Variants in ASB5 observed in about 807,000 individuals in gnomAD.
The protein encoded by ASB5 is ankyrin repeat and SOCS box containing 5, also known as ankyrin repeat and SOCS box protein 5.
Under a neutral mutation model 42.1 loss-of-function variants are expected in ASB5, and 45 were observed. The ratio of observed to expected loss-of-function variants is 1.07; its 90% CI spans 0.84 to 1.37. ASB5 has a LOEUF of 1.37. Among genes scored for constraint, ASB5 ranks in the 40% most tolerant of loss-of-function variants. The probability of loss-of-function intolerance (pLI) is 0.00; values close to 1 mark genes in which losing one functional copy is unlikely to be tolerated. For synonymous variants in ASB5, 147 were observed against 150.6 expected (o/e 0.98, Z 0.18); for missense variants, 402 against 399.8 (o/e 1.01, Z -0.05).
At chr4:176,270,457 A>T (rs532507797), upstream of ASB5, among the ~76,000 whole-genome samples, 24 of 152,244 alleles carry the variant, frequency 1.6e-4, no homozygotes, top group South Asian at 4.6e-3. Context: ...ACACAGGAGA[A>T]ATGGCTGTAA....
rs1232684763 is a variant in ASB5, at chr4:176,226,694, T to TC, written c.197-1354dup. Among the ~76,000 whole-genome samples the TC allele has an allele frequency of 1.1e-4, 17 of 152,314 alleles. No homozygotes were observed. In the Middle Eastern group the frequency reaches 0.01, roughly 91 times the overall value. On this transcript the variant is annotated intron_variant, in intron 1 of 6. Coordinates refer to ENST00000296525, the MANE Select transcript of ASB5 (RefSeq NM_080874.4). ...CAAAAAAGTTCTGTTTCATGTTTTTTCACATTGAACCCCTCCTCTCAATTT... is the reference window on the plus strand; with the variant it reads ...CAAAAAAGTTCTGTTTCATGTTTTTTCCACATTGAACCCCTCCTCTCAATTT...
chr4:176,238,259 G>A (rs1323093970), intron 1 of ASB5, among the ~76,000 whole-genome samples: 1 of 149,698 alleles, frequency 6.7e-6, no homozygotes, highest in Non-Finnish European at 1.5e-5. Context: ...GCCAGCTCAT[G>A]TTTTCATTTT....
At position 176,237,209 on chromosome 4, in the gene ASB5, G is replaced by T. The variant is rs150049139; in HGVS notation, c.197-11868C>A. Reference sequence around the variant, plus strand: ...TCAATCCGCATTCTGGAAAGCACCCGCAGTTTAAAGTTAGTATTTGCAAAA... The same window carrying T: ...TCAATCCGCATTCTGGAAAGCACCCTCAGTTTAAAGTTAGTATTTGCAAAA... On this transcript the variant is annotated intron_variant, in intron 1 of 6. Transcript: ENST00000296525. 1.8e-3 allele frequency: 1,597 copies of T among 884,314 alleles called. 15 individuals carry two copies. In the African/African-American group the frequency reaches 0.026, roughly 15 times the overall value. 54.8% of individuals were successfully genotyped at this position (884,314 alleles called of 1,614,324 possible). A position where few individuals can be genotyped will look rare whatever the true frequency, so the allele number is the denominator to read the frequency against.
rs1753715313 is a variant in ASB5 at position 176,237,489 on chromosome 4, C to A, written c.197-12148G>T. On this transcript the variant is annotated intron_variant, in intron 1 of 6. Transcript: ENST00000296525. ...CAAATGCTCTAGCAAGAAGAAATAT[C>A]AGCGTCTGGATTTCTAACTATTTTT... is the stretch of plus-strand genomic sequence containing the variant. 4 of 985,570 alleles carry A rather than the reference C, an allele frequency of 4.1e-6. No homozygotes were observed. In the South Asian group the frequency reaches 1.4e-4, roughly 35 times the overall value. The allele number at this position is 985,570 out of a possible 1,614,324, so 61.1% of individuals were successfully genotyped here.
chr4:176,232,333 A>C (rs2126956056), intron 1 of ASB5, among the ~76,000 whole-genome samples: 1 of 152,138 alleles, frequency 6.6e-6, no homozygotes, highest in East Asian at 1.9e-4. Flanking sequence ...CATGTTAGTC[A>C]GGCTGGTCTC....
intron 2 of ASB5, 63 bp from the exon 3 acceptor site, chr4:176,222,483 G>GGGCCGGGCGC: frequency 7.4e-7 from 1 of 1,342,570 alleles, no homozygotes; most frequent in African/African-American, 1.5e-5. Context: ...TCATCTATAT[G>GGGCCGGGCGC]GATGTCACTA....
rs755133139 is a variant in ASB5 at position 176,216,877 on chromosome 4, C to T, written c.803G>A (p.Arg268Gln). The T allele has an allele frequency of 3.7e-6, 6 of 1,613,654 alleles. No individual in the cohort carries two copies. The highest frequency in any genetic ancestry group is 1.7e-5 in the Admixed American group (1 of 59,918). ...DINAKNTELL[R>Q]PIDVATSSSM... ...GCTAGACGTAGCTACATCTATAGGT[C>T]GCAGAAGCTCTGTATTTTTGGCATT... is the stretch of plus-strand genomic sequence containing the variant. The change falls in exon 6 of 7, where the codon CGA becomes CAA. Residue 268 changes from arginine to glutamine, a missense_variant. Transcript: ENST00000296525.
chr4:176,242,544 T>C (rs867468864), intron 1 of ASB5, among the ~76,000 whole-genome samples: 1 of 152,230 alleles, frequency 6.6e-6, no homozygotes, highest in South Asian at 2.1e-4. Context: ...ATTATGTTGT[T>C]ATATAATAAC....
At chr4:176,266,974 A>G (rs1317338848) in intron 1 of ASB5, among the ~76,000 whole-genome samples, 1 of 152,152 alleles carries the variant, frequency 6.6e-6, no homozygotes, top group African/African-American at 2.4e-5. Flanking sequence ...TAATGAGGGG[A>G]TGAGTGTTTC....
intron 1 of ASB5, among the ~76,000 whole-genome samples, chr4:176,238,096 G>T (rs576585943): frequency 1.3e-5 from 2 of 151,328 alleles, no homozygotes; most frequent in South Asian, 4.2e-4. Flanking sequence ...GGGACGGGGC[G>T]CCTGTAGTCC....
At chr4:176,273,578 T>C (rs1296286134), upstream of ASB5, among the ~76,000 whole-genome samples, 1 of 152,184 alleles carries the variant, frequency 6.6e-6, no homozygotes, top group East Asian at 1.9e-4. Flanking sequence ...ATCAAAAAGA[T>C]ATTTAGCCAC....
chr4:176,221,653 A>G lies in ASB5; in HGVS notation c.385-53T>C, dbSNP rs1753214580. The G allele has an allele frequency of 4.1e-6, 6 of 1,472,820 alleles. No homozygotes were observed. In the Admixed American group the frequency reaches 1.2e-4, roughly 28 times the overall value. The allele number at this position is 1,472,820 out of a possible 1,614,324, so 91.2% of individuals were successfully genotyped here. A position where few individuals can be genotyped will look rare whatever the true frequency, so the allele number is the denominator to read the frequency against. ...AAGATTCATAAGTCATACATGAGTA[A>G]CCGACTTAGGCATTGTCAAAAGGTA... On this transcript the variant is annotated intron_variant, in intron 3 of 6. Coordinates refer to ENST00000296525, the MANE Select transcript of ASB5 (RefSeq NM_080874.4).
chr4:176,253,996 A>G (rs554486645), intron 1 of ASB5, among the ~76,000 whole-genome samples: 1 of 152,240 alleles, frequency 6.6e-6, no homozygotes. Context: ...AGAAGTTTAC[A>G]GATTCAGTGT....
Position 176,216,849 on chromosome 4 carries a change from A to G in ASB5, c.831T>C (p.Ser277=). The G allele has an allele frequency of 1.9e-6, 3 of 1,604,886 alleles. No individual in the cohort carries two copies. The highest frequency in any genetic ancestry group is 2.5e-6 in the Non-Finnish European group (3 of 1,177,590). Reference sequence around the variant, plus strand: ...GTTGAAGCAATATCCTTTCCACCATACTGCTAGACGTAGCTACATCTATAG... The same window carrying G: ...GTTGAAGCAATATCCTTTCCACCATGCTGCTAGACGTAGCTACATCTATAG... The part of the protein sequence containing the change: ...LRPIDVATSS[S]MVERILLQHE... Residue 277 remains serine (S), a synonymous_variant, in exon 6 of 7, where the codon AGT becomes AGC. Coordinates refer to ENST00000296525, the MANE Select transcript of ASB5 (RefSeq NM_080874.4).
At chr4:176,247,884 A>T (rs187570713) in intron 1 of ASB5, among the ~76,000 whole-genome samples, 1 of 152,350 alleles carries the variant, frequency 6.6e-6, no homozygotes, top group African/African-American at 2.4e-5. Flanking sequence ...ATTTGTAAAT[A>T]GTTCTTCTAA....
chr4:176,234,533 T>A (rs930510989), intron 1 of ASB5, among the ~76,000 whole-genome samples: 1 of 152,188 alleles, frequency 6.6e-6, no homozygotes, highest in Non-Finnish European at 1.5e-5. Flanking sequence ...CTACTTTTCT[T>A]CTCAGCACTT....
chr4:176,263,152 C>A (rs1754295466), intron 1 of ASB5, among the ~76,000 whole-genome samples: 1 of 152,100 alleles, frequency 6.6e-6, no homozygotes, highest in South Asian at 2.1e-4. Context: ...CACACACCTG[C>A]CCCCACTCTC....
chr4:176,247,380 A>G (rs1753932765), intron 1 of ASB5, among the ~76,000 whole-genome samples: 1 of 152,242 alleles, frequency 6.6e-6, no homozygotes, highest in Non-Finnish European at 1.5e-5. Context: ...TACCAAGAAT[A>G]GCCAAAACTA....
At chr4:176,217,136 A>G (rs1752994046) in intron 5 of ASB5, 127 bp from the exon 6 acceptor site, 5 of 719,548 alleles carry the variant, frequency 6.9e-6, no homozygotes, top group Non-Finnish European at 2.3e-6. Context: ...TCTATTTGTT[A>G]TGAGTTATTT....
Sources: allele counts gnomAD v4.1 joint callset (sites outside exome capture counted in the v4.1 genomes callset), GRCh38; gene constraint gnomAD v4.1.1; transcripts MANE v1.5; gene names NCBI Gene and HGNC (gene_info 2026-07-23, HGNC 2026-07-21).